NFIA: variants seen among roughly 807,000 people sequenced by gnomAD.
The protein encoded by NFIA is nuclear factor I A.
Under a neutral mutation model 62.8 loss-of-function variants are expected in NFIA, and 8 were observed. That is an observed-to-expected ratio of 0.13 (90% CI 0.07 to 0.23). NFIA has a LOEUF of 0.23. Among genes scored for constraint, NFIA ranks in the 10% least tolerant of loss-of-function variants. NFIA has a pLI of 1.00. For synonymous variants in NFIA, 235 were observed against 238.1 expected (o/e 0.99, Z 0.12); for missense variants, 410 against 642.1 (o/e 0.64, Z 3.91).
intron 2 of NFIA, among the ~76,000 whole-genome samples, chr1:61,142,823 A>C (rs1409179274): frequency 3.9e-5 from 6 of 152,180 alleles, no homozygotes; most frequent in African/African-American, 1.4e-4. Flanking sequence ...GCACATGGAA[A>C]GCGCCTGCCC....
intron 2 of NFIA, among the ~76,000 whole-genome samples, chr1:61,208,155 C>T (rs1653018235): frequency 1.3e-5 from 2 of 152,122 alleles, no homozygotes; most frequent in South Asian, 4.2e-4. Flanking sequence ...CTTAGGTGAA[C>T]CGTTCCCTAT....
intron 2 of NFIA, among the ~76,000 whole-genome samples, chr1:61,219,367 T>G (rs1653857289): frequency 6.6e-6 from 1 of 151,960 alleles, no homozygotes; most frequent in Non-Finnish European, 1.5e-5. Context: ...ATATAAGGAG[T>G]CTAGTTAGGC....
intron 3 of NFIA, among the ~76,000 whole-genome samples, chr1:61,286,430 A>AG (rs1231554399): frequency 6.0e-5 from 9 of 151,216 alleles, no homozygotes; most frequent in African/African-American, 2.2e-4. Flanking sequence ...TCTGTCTCAA[A>AG]AAAAAAAAAA....
chr1:61,364,663 AAAT>A (rs1358731254), intron 6 of NFIA, among the ~76,000 whole-genome samples: 2 of 152,210 alleles, frequency 1.3e-5, no homozygotes, highest in Admixed American at 6.5e-5. Context: ...TTAAAAAAAC[AAAT>A]AATAATTCTG....
intron 2 of NFIA, among the ~76,000 whole-genome samples, chr1:61,201,955 A>G (rs1652532432): frequency 6.6e-6 from 1 of 152,190 alleles, no homozygotes; most frequent in African/African-American, 2.4e-5. Context: ...TCTTAAAAAA[A>G]AAACACTCAG....
At chr1:61,303,891 T>C (rs926739114) in intron 3 of NFIA, among the ~76,000 whole-genome samples, 5 of 152,132 alleles carry the variant, frequency 3.3e-5, no homozygotes, top group African/African-American at 1.2e-4. Flanking sequence ...AAACAAAATC[T>C]CTTTATGCTG....
intron 4 of NFIA, among the ~76,000 whole-genome samples, chr1:61,342,267 ATAGCTAATGGT>A (rs1661964026): frequency 2.0e-5 from 3 of 152,088 alleles, no homozygotes; most frequent in Admixed American, 1.3e-4. Flanking sequence ...TGGTTTCCTA[ATAGCTAATGGT>A]CAAGTAGTCC....
chr1:61,196,606 G>A (rs1007669814), intron 2 of NFIA, among the ~76,000 whole-genome samples: 3 of 151,886 alleles, frequency 2.0e-5, no homozygotes, highest in African/African-American at 7.3e-5. Flanking sequence ...GTATCAGCAT[G>A]TTTAATTTTT....
At chr1:61,453,213 G>GGA (rs1224209446) in intron 10 of NFIA, among the ~76,000 whole-genome samples, 4 of 152,122 alleles carry the variant, frequency 2.6e-5, no homozygotes, top group Non-Finnish European at 5.9e-5. Context: ...AAGGTTGGTG[G>GGA]GAGGAGAGCA....
intron 6 of NFIA, among the ~76,000 whole-genome samples, chr1:61,382,989 C>A (rs1445346315): frequency 1.3e-5 from 2 of 152,036 alleles, no homozygotes; most frequent in Non-Finnish European, 2.9e-5. Context: ...TATTGAAGAC[C>A]AATAACCCAA....
intron 2 of NFIA, among the ~76,000 whole-genome samples, chr1:61,147,712 A>AT (rs1648110954): frequency 6.6e-6 from 1 of 151,688 alleles, no homozygotes; most frequent in African/African-American, 2.4e-5. Flanking sequence ...TGTAATTTTC[A>AT]TTTGTTTTTT....
At chr1:61,396,641 T>C (rs1464738163) in intron 7 of NFIA, among the ~76,000 whole-genome samples, 3 of 152,112 alleles carry the variant, frequency 2.0e-5, no homozygotes, top group South Asian at 2.1e-4. Context: ...ATGATAGAGA[T>C]TTCCACTGTT....
intron 10 of NFIA, among the ~76,000 whole-genome samples, chr1:61,433,817 A>G (rs569321054): frequency 6.6e-6 from 1 of 152,300 alleles, no homozygotes; most frequent in African/African-American, 2.4e-5. Context: ...CTTTCCCAGA[A>G]CCACATATCC....
intron 9 of NFIA, among the ~76,000 whole-genome samples, chr1:61,417,585 A>G (rs1666410320): frequency 2.0e-5 from 3 of 151,888 alleles, no homozygotes; most frequent in Admixed American, 6.6e-5. Context: ...ACATTACTTC[A>G]TTGCTTTCAG....
intron 7 of NFIA, among the ~76,000 whole-genome samples, chr1:61,389,681 A>G (rs1664871515): frequency 6.6e-6 from 1 of 152,008 alleles, no homozygotes; most frequent in African/African-American, 2.4e-5. Flanking sequence ...TTATGAGTCA[A>G]AGTCATAACA....
rs542676811 is a variant in NFIA at position 61,363,326 on chromosome 1, C to T, written c.946+4052C>T. 3.8e-4 allele frequency among the ~76,000 whole-genome samples: 58 copies of T among 152,226 alleles called. 2 individuals are homozygous for T. In the South Asian group the frequency reaches 6.6e-3, roughly 17 times the overall value. On this transcript the variant is annotated intron_variant, in intron 6 of 10. Coordinates refer to ENST00000403491, the MANE Select transcript of NFIA (RefSeq NM_001134673.4). ...TACTTTAGTTAAAACGTTATAAAGC[C>T]GGGTGTGATGGCTCACGCCTGTAAT... is the stretch of plus-strand genomic sequence containing the variant.
At chr1:61,378,361 A>T (rs1207641601) in intron 6 of NFIA, among the ~76,000 whole-genome samples, 9 of 152,172 alleles carry the variant, frequency 5.9e-5, no homozygotes, top group African/African-American at 2.2e-4. Context: ...ACCACTTTTT[A>T]GTTCCCTTTC....
At chr1:61,337,171 G>A (rs1661656019) in intron 4 of NFIA, among the ~76,000 whole-genome samples, 1 of 152,126 alleles carries the variant, frequency 6.6e-6, no homozygotes, top group African/African-American at 2.4e-5. Flanking sequence ...CAAATTCAGA[G>A]GTGAGGGATG....
chr1:61,334,612 T>C (rs913054158), intron 4 of NFIA, among the ~76,000 whole-genome samples: 21 of 120,308 alleles, frequency 1.7e-4, no homozygotes, highest in African/African-American at 6.7e-4. Context: ...TATATATATA[T>C]GTATCAGACC....
Sources: allele counts gnomAD v4.1 joint callset (sites outside exome capture counted in the v4.1 genomes callset), GRCh38; gene constraint gnomAD v4.1.1; transcripts MANE v1.5; gene names NCBI Gene and HGNC (gene_info 2026-07-23, HGNC 2026-07-21).